Variants in KDM4B observed in about 807,000 individuals in gnomAD.
The protein encoded by KDM4B is lysine-specific demethylase 4B.
KDM4B carries 32 observed loss-of-function variants against 125.2 expected under a neutral mutation model. That is an observed-to-expected ratio of 0.26 (90% CI 0.19 to 0.34). The LOEUF is 0.34. Ranked by LOEUF, KDM4B falls within the 10% of genes least tolerant of loss-of-function variation. The probability of loss-of-function intolerance (pLI) is 1.00; values close to 1 mark genes in which losing one functional copy is unlikely to be tolerated. For synonymous variants in KDM4B, 721 were observed against 677.9 expected (o/e 1.06, Z -0.99); for missense variants, 1,190 against 1,577.7 (o/e 0.75, Z 4.16).
intron 1 of KDM4B, among the ~76,000 whole-genome samples, chr19:4,970,919 A>C (rs1241771634): frequency 6.6e-6 from 1 of 151,818 alleles, no homozygotes; most frequent in Non-Finnish European, 1.5e-5. Flanking sequence ...CCCCTCCTTG[A>C]GCCGGCGACA....
rs553434904 is a variant in KDM4B at position 5,135,281 on chromosome 19, G to A, written c.2086-58G>A. ...AGGTGCCCTGAGAGAGGTCCGCGCC[G>A]CCCGCCCGCCTGCCCCACACATGGC... is the stretch of plus-strand genomic sequence containing the variant. On this transcript the variant is annotated intron_variant, in intron 14 of 22. Transcript: ENST00000159111. 1.4e-4 allele frequency: 181 copies of A among 1,263,226 alleles called. No homozygotes were observed. The African/African-American group carries it at 2.1e-3, about 14-fold the overall frequency. 78.3% of individuals were successfully genotyped at this position (1,263,226 alleles called of 1,614,324 possible).
At chr19:5,047,407 C>T in intron 5 of KDM4B, 69 bp from the exon 6 acceptor site, 1 of 1,452,158 alleles carries the variant, frequency 6.9e-7, no homozygotes, top group South Asian at 1.3e-5. Context: ...GAGAATTAGC[C>T]TGCACCCCAG....
chr19:5,134,152 C>A, intron 14 of KDM4B, 91 bp downstream of exon 14: 1 of 1,247,396 alleles, frequency 8.0e-7, no homozygotes, highest in South Asian at 1.4e-5. Flanking sequence ...GCCTCCCTCT[C>A]TCACGCAGGG....
intron 9 of KDM4B, among the ~76,000 whole-genome samples, chr19:5,090,235 A>G (rs1330935442): frequency 6.6e-6 from 1 of 152,044 alleles, no homozygotes; most frequent in Admixed American, 6.5e-5. Context: ...TTGCCTCCCT[A>G]GCCACACACC....
intron 11 of KDM4B, among the ~76,000 whole-genome samples, chr19:5,122,812 G>A (rs891683886): frequency 1.3e-5 from 2 of 152,340 alleles, no homozygotes; most frequent in Admixed American, 6.5e-5. Context: ...CTGCAGACAC[G>A]CTGCTGTGTG....
In KDM4B at chr19:5,131,453, G is replaced by C. The variant is rs2039543680; in HGVS notation, c.1693G>C (p.Val565Leu). 1.9e-6 allele frequency: 3 copies of C among 1,605,702 alleles called. No homozygotes were observed. The highest frequency in any genetic ancestry group is 8.5e-7 in the Non-Finnish European group (1 of 1,178,386). ...GAAGGGTCCGACCTGGAAGGAACCA[G>C]TTTCCCCCATGGAGCTGACGGGGCC... ...AQKGPTWKEP[V>L]SPMELTGPED... The change falls in exon 12 of 23, where the codon GTT (valine) becomes CTT (leucine). Residue 565 changes from valine to leucine, a missense_variant. This residue lies in a region of KDM4B where 428 missense variants were observed against 405.1 expected (regional missense o/e 1.06). Coordinates refer to ENST00000159111, the MANE Select transcript of KDM4B (RefSeq NM_015015.3).
chr19:5,106,450 C>T (rs1306283207), intron 9 of KDM4B, among the ~76,000 whole-genome samples: 1 of 152,196 alleles, frequency 6.6e-6, no homozygotes, highest in Non-Finnish European at 1.5e-5. Context: ...TCCTTGCATC[C>T]TCCTGAGGCC....
chr19:5,049,121 C>T (rs1175584883), intron 6 of KDM4B, among the ~76,000 whole-genome samples: 2 of 152,132 alleles, frequency 1.3e-5, no homozygotes, highest in Non-Finnish European at 2.9e-5. Flanking sequence ...AGAGGGGCCT[C>T]TGCGGGAGGA....
chr19:5,097,203 C>T (rs1360083479), intron 9 of KDM4B, among the ~76,000 whole-genome samples: 2 of 152,212 alleles, frequency 1.3e-5, no homozygotes, highest in African/African-American at 4.8e-5. Context: ...TAGTAAAAGG[C>T]TGTAAAGCCC....
intron 6 of KDM4B, among the ~76,000 whole-genome samples, chr19:5,066,496 C>A (rs1216198312): frequency 1.3e-5 from 2 of 152,242 alleles, no homozygotes; most frequent in Non-Finnish European, 2.9e-5. Flanking sequence ...GTTTGTTAAC[C>A]ATCATGTGAC....
intron 9 of KDM4B, among the ~76,000 whole-genome samples, chr19:5,106,710 A>C (rs576807482): frequency 9.4e-4 from 143 of 152,202 alleles, no homozygotes; most frequent in Non-Finnish European, 1.5e-3. Flanking sequence ...CTGCCCCCTG[A>C]CATGAGCACT....
At chr19:5,098,767 T>C (rs2038876236) in intron 9 of KDM4B, among the ~76,000 whole-genome samples, 1 of 152,098 alleles carries the variant, frequency 6.6e-6, no homozygotes, top group African/African-American at 2.4e-5. Context: ...CCCTCCATCA[T>C]GGGAGGACTC....
In KDM4B at chr19:5,035,106, C is replaced by T. The variant is rs369407349; in HGVS notation, c.141+2075C>T. Among the ~76,000 whole-genome samples the T allele has an allele frequency of 2.0e-5, 3 of 152,184 alleles. No individual in the cohort carries two copies. Among genetic ancestry groups the T allele is most frequent in the Admixed American group, 6.5e-5 (1 of 15,290 alleles). On this transcript the variant is annotated intron_variant, in intron 3 of 22. Coordinates refer to ENST00000159111, the MANE Select transcript of KDM4B (RefSeq NM_015015.3). This position sits in a 1 kb window ranked among gnomAD's most constrained non-coding sequence, Gnocchi z 5.3. ...GTTCTGTCTTTAAAAGGCTTTGGTC[C>T]TCCTATCTCATCTCAGACCGTCTTC...
chr19:4,991,783 C>A (rs1463229010), intron 1 of KDM4B, among the ~76,000 whole-genome samples: 3 of 152,172 alleles, frequency 2.0e-5, no homozygotes, highest in Admixed American at 6.5e-5. Context: ...CAGGCCCTGG[C>A]GACGGCTGAG....
At chr19:5,057,331 G>C (rs771210411) in intron 6 of KDM4B, among the ~76,000 whole-genome samples, 4 of 152,186 alleles carry the variant, frequency 2.6e-5, no homozygotes, top group African/African-American at 7.2e-5. Context: ...GCTCAATGGT[G>C]TGTGTGTAAG....
intron 11 of KDM4B, among the ~76,000 whole-genome samples, chr19:5,121,459 A>G (rs554621920): frequency 6.6e-6 from 1 of 152,300 alleles, no homozygotes; most frequent in Admixed American, 6.5e-5. Context: ...AAGCAAGTCT[A>G]CAGGCAGCCG....
At chr19:5,130,932 C>T (rs1420097079) in intron 11 of KDM4B, 144 bp from the exon 12 acceptor site, 3 of 625,626 alleles carry the variant, frequency 4.8e-6, no homozygotes, top group Non-Finnish European at 8.0e-6. Context: ...AGCCTGTGTT[C>T]TCTGCCCACC....
intron 11 of KDM4B, among the ~76,000 whole-genome samples, chr19:5,127,101 C>T (rs187346629): frequency 6.6e-6 from 1 of 152,294 alleles, no homozygotes; most frequent in East Asian, 1.9e-4. Context: ...TGACACCTTC[C>T]CTCCACCCAA....
chr19:5,146,173 G>T (rs909058022), intron 21 of KDM4B, among the ~76,000 whole-genome samples: 8 of 127,216 alleles, frequency 6.3e-5, no homozygotes, highest in Non-Finnish European at 9.6e-5. Context: ...ATCCAGGACC[G>T]CCTTGCCATG....
Sources: gnomAD v4.1 joint callset for allele counts (sites outside exome capture counted in the v4.1 genomes callset) on GRCh38, gnomAD v4.1.1 for gene constraint, gnomAD v4.1.1 regional missense constraint, Gnocchi (gnomAD v3.1) non-coding constraint, MANE v1.5 for transcripts, NCBI Gene and HGNC (gene_info 2026-07-23, HGNC 2026-07-21) for gene names.